PRDM11: variants seen among roughly 807,000 people sequenced by gnomAD.
PRDM11 encodes the protein PR/SET domain 11, also known as PR domain-containing protein 11.
A neutral mutation model predicts 97.8 loss-of-function variants in PRDM11; 20 were observed. The ratio of observed to expected loss-of-function variants is 0.20; its 90% CI spans 0.14 to 0.30. The LOEUF is 0.30. Ranked by LOEUF, PRDM11 falls within the 10% of genes least tolerant of loss-of-function variation. The probability of loss-of-function intolerance (pLI) is 1.00; values close to 1 mark genes in which losing one functional copy is unlikely to be tolerated. For missense variants in PRDM11, 1,139 were observed against 1,555.2 expected, an observed-to-expected ratio of 0.73 and a Z score of 4.50; for synonymous variants, 599 against 637.7, an observed-to-expected ratio of 0.94 and a Z score of 0.91.
In PRDM11 at chr11:45,146,691, G is replaced by C. The variant is rs1324116095; in HGVS notation, c.-193G>C. On this transcript the variant is annotated 5_prime_UTR_variant, in exon 1 of 8. Transcript: ENST00000683152. Reference sequence around the variant, plus strand: ...GTCAAAGCAGGGGAGGAGAGCAGCAGCGAGTCGCCGCCGCCGCCGCGCCGA... The same window carrying C: ...GTCAAAGCAGGGGAGGAGAGCAGCACCGAGTCGCCGCCGCCGCCGCGCCGA... 1.3e-5 allele frequency: 2 copies of C among 151,804 alleles called. No individual in the cohort carries two copies. Among genetic ancestry groups the C allele is most frequent in the Non-Finnish European group, 2.9e-5 (2 of 67,946 alleles). 9.4% of individuals were successfully genotyped at this position (151,804 alleles called of 1,614,324 possible). A position where few individuals can be genotyped will look rare whatever the true frequency, so the allele number is the denominator to read the frequency against.
At position 45,231,432 on chromosome 11, in the gene PRDM11, A is replaced by G. The variant is rs1854397538; in HGVS notation, c.*3273A>G. On this transcript the variant is annotated 3_prime_UTR_variant, in exon 8 of 8. Coordinates refer to ENST00000683152, the MANE Select transcript of PRDM11 (RefSeq NM_001384648.1). ...GTGGAAAAGCAGTTGGTGGATCCCA[A>G]ATGTTGTTACTTCAGACAAGACAGA... The G allele has an allele frequency of 6.6e-6, 1 of 152,072 alleles. No homozygotes were observed. Among genetic ancestry groups the G allele is most frequent in the African/African-American group, 2.4e-5 (1 of 41,368 alleles). 9.4% of individuals were successfully genotyped at this position (152,072 alleles called of 1,614,324 possible). A position where few individuals can be genotyped will look rare whatever the true frequency, so the allele number is the denominator to read the frequency against.
At chr11:45,108,107 C>T (rs550869079) in intron 1 of PRDM11, among the ~76,000 whole-genome samples, 3 of 152,286 alleles carry the variant, frequency 2.0e-5, no homozygotes, top group East Asian at 1.9e-4. Context: ...GGATTACAAG[C>T]GTGAGCCACT....
chr11:45,175,858 A>G (rs1031121466), intron 1 of PRDM11, among the ~76,000 whole-genome samples: 2 of 152,196 alleles, frequency 1.3e-5, no homozygotes, highest in Non-Finnish European at 2.9e-5. Context: ...TTGCCAATTT[A>G]TTAGAGGAGA....
chr11:45,228,598 T>G lies in PRDM11; in HGVS notation c.*439T>G, dbSNP rs1480022983. Reference sequence around the variant, plus strand: ...GTTTATGTTCTTGCCTTTTCTTTTTTCATTTGGTTTTATGATGGGAGGGAG... The same window carrying G: ...GTTTATGTTCTTGCCTTTTCTTTTTGCATTTGGTTTTATGATGGGAGGGAG... On this transcript the variant is annotated 3_prime_UTR_variant, in exon 8 of 8. Coordinates refer to ENST00000683152, the MANE Select transcript of PRDM11 (RefSeq NM_001384648.1). The G allele has an allele frequency of 6.6e-6, 1 of 152,094 alleles. No individual in the cohort carries two copies. Among genetic ancestry groups the G allele is most frequent in the Non-Finnish European group, 1.5e-5 (1 of 68,026 alleles). The allele number at this position is 152,094 out of a possible 1,614,324, so 9.4% of individuals were successfully genotyped here. A position where few individuals can be genotyped will look rare whatever the true frequency, so the allele number is the denominator to read the frequency against.
chr11:45,119,341 A>G (rs956502158), intron 1 of PRDM11, among the ~76,000 whole-genome samples: 4 of 152,144 alleles, frequency 2.6e-5, no homozygotes, highest in Non-Finnish European at 5.9e-5. Flanking sequence ...AAAACCTGGT[A>G]AGGCGGCCGG....
At chr11:45,099,013 C>T (rs563854523) in intron 1 of PRDM11, among the ~76,000 whole-genome samples, 2 of 152,030 alleles carry the variant, frequency 1.3e-5, no homozygotes, top group Non-Finnish European at 2.9e-5. Flanking sequence ...TTGAAGTGGA[C>T]TGGAGAGGGA....
intron 4 of PRDM11, among the ~76,000 whole-genome samples, chr11:45,199,074 T>G (rs1372262926): frequency 1.3e-5 from 2 of 152,212 alleles, no homozygotes; most frequent in Admixed American, 1.3e-4. Flanking sequence ...TTTATTGTCT[T>G]TATTAATTAT....
At chr11:45,094,230 A>T (rs1251901818), upstream of PRDM11, among the ~76,000 whole-genome samples, 2 of 152,160 alleles carry the variant, frequency 1.3e-5, no homozygotes, top group African/African-American at 4.8e-5. Context: ...GTGGGCTGGA[A>T]TCACAGGGTA....
chr11:45,165,314 C>CA (rs930604763), intron 1 of PRDM11, among the ~76,000 whole-genome samples: 2 of 152,236 alleles, frequency 1.3e-5, no homozygotes, highest in African/African-American at 4.8e-5. Context: ...TCATTGTCTT[C>CA]ATCCATTCAC....
intron 7 of PRDM11, among the ~76,000 whole-genome samples, chr11:45,225,543 T>C (rs1307540882): frequency 1.3e-5 from 2 of 152,212 alleles, no homozygotes; most frequent in African/African-American, 4.8e-5. Context: ...TAAACTGCAT[T>C]TTGATCCTGA....
At chr11:45,154,016 T>C (rs1851727534) in intron 1 of PRDM11, among the ~76,000 whole-genome samples, 1 of 152,224 alleles carries the variant, frequency 6.6e-6, no homozygotes, top group Non-Finnish European at 1.5e-5. Context: ...AGGTTGCCTA[T>C]TTGTATTACA....
intron 1 of PRDM11, among the ~76,000 whole-genome samples, chr11:45,107,045 G>A (rs1198248906): frequency 6.6e-6 from 1 of 152,186 alleles, no homozygotes; most frequent in Non-Finnish European, 1.5e-5. Flanking sequence ...CTGTGAGTGG[G>A]GTGGGTTGGC....
intron 1 of PRDM11, among the ~76,000 whole-genome samples, chr11:45,156,062 G>A (rs1430167835): frequency 6.6e-6 from 1 of 152,212 alleles, no homozygotes; most frequent in African/African-American, 2.4e-5. Flanking sequence ...CAGAGTCTGA[G>A]CTCTTTATCA....
chr11:45,181,549 C>CGTCCCCAGGACCAGCCCGGGA (rs1852501074), intron 1 of PRDM11, among the ~76,000 whole-genome samples: 1 of 152,194 alleles, frequency 6.6e-6, no homozygotes, highest in Admixed American at 6.5e-5. Context: ...TGGCTCCAGT[C>CGTCCCCAGGACCAGCCCGGGA]GTCCCCAGGA....
chr11:45,102,852 A>G (rs888495354), intron 1 of PRDM11, among the ~76,000 whole-genome samples: 2 of 152,220 alleles, frequency 1.3e-5, no homozygotes, highest in African/African-American at 2.4e-5. Context: ...GCTTCCTGGG[A>G]ATGGCAGCAA....
At chr11:45,211,760 A>G (rs1448296043) in intron 5 of PRDM11, among the ~76,000 whole-genome samples, 3 of 151,790 alleles carry the variant, frequency 2.0e-5, no homozygotes, top group African/African-American at 4.8e-5. Flanking sequence ...CGTTGTATCA[A>G]TCTTATGCCT....
intron 1 of PRDM11, among the ~76,000 whole-genome samples, chr11:45,105,620 TG>T (rs1180983241): frequency 1.3e-5 from 2 of 152,250 alleles, no homozygotes; most frequent in Non-Finnish European, 2.9e-5. Flanking sequence ...TGGAAGCAGC[TG>T]GGCCTCCCAG....
chr11:45,124,947 T>G (rs1362874858), intron 1 of PRDM11, among the ~76,000 whole-genome samples: 2 of 152,054 alleles, frequency 1.3e-5, no homozygotes, highest in African/African-American at 2.4e-5. Flanking sequence ...TGGTAGAATT[T>G]GGCTGTGAAT....
At chr11:45,211,042 A>T (rs975024749) in intron 5 of PRDM11, among the ~76,000 whole-genome samples, 1 of 152,206 alleles carries the variant, frequency 6.6e-6, no homozygotes, top group Non-Finnish European at 1.5e-5. Context: ...CCCCCATGGC[A>T]GGCTCACAGC....
Sources: gnomAD v4.1 joint callset for allele counts (sites outside exome capture counted in the v4.1 genomes callset) on GRCh38, gnomAD v4.1.1 for gene constraint, MANE v1.5 for transcripts, NCBI Gene and HGNC (gene_info 2026-07-23, HGNC 2026-07-21) for gene names.